Variants in CA10 observed in about 807,000 individuals in gnomAD.
CA10 encodes the protein carbonic anhydrase-related protein 10.
CA10 carries 14 observed loss-of-function variants against 44.2 expected under a neutral mutation model. That is an observed-to-expected ratio of 0.32 (90% CI 0.21 to 0.50). The LOEUF (loss-of-function observed/expected upper bound fraction) is 0.50, where lower values mean the gene tolerates loss of function less well. Among genes scored for constraint, CA10 ranks in the 20% least tolerant of loss-of-function variants. CA10 has a pLI of 0.99. For synonymous variants in CA10, 159 were observed against 141.6 expected, an observed-to-expected ratio of 1.12 and a Z score of -0.87; for missense variants, 350 against 409.7, an observed-to-expected ratio of 0.85 and a Z score of 1.26.
intron 3 of CA10, among the ~76,000 whole-genome samples, chr17:51,837,182 C>G (rs187819822): frequency 6.6e-6 from 1 of 152,102 alleles, no homozygotes; most frequent in African/African-American, 2.4e-5. Context: ...AAGCTCCAAG[C>G]CTTCAGGAAG....
intron 2 of CA10, among the ~76,000 whole-genome samples, chr17:51,976,811 G>C (rs559272897): frequency 6.6e-6 from 1 of 151,984 alleles, no homozygotes; most frequent in Non-Finnish European, 1.5e-5. Flanking sequence ...GAAAAGATTA[G>C]TAAAATTGAT....
chr17:51,874,344 C>T (rs1194975625), intron 3 of CA10, among the ~76,000 whole-genome samples: 1 of 148,892 alleles, frequency 6.7e-6, no homozygotes, highest in African/African-American at 2.5e-5. Context: ...TTATTAATTC[C>T]ATTAAAAATT....
chr17:51,769,123 G>A (rs1905501158), intron 3 of CA10, among the ~76,000 whole-genome samples: 1 of 152,160 alleles, frequency 6.6e-6, no homozygotes, highest in Non-Finnish European at 1.5e-5. Flanking sequence ...TGAGAAAACA[G>A]CATTCGGATG....
chr17:52,045,113 C>T (rs1385741256), intron 2 of CA10, among the ~76,000 whole-genome samples: 2 of 151,634 alleles, frequency 1.3e-5, no homozygotes, highest in African/African-American at 4.8e-5. Flanking sequence ...GGTAAGAATG[C>T]TAGTAAACTT....
intron 1 of CA10, among the ~76,000 whole-genome samples, chr17:52,109,060 A>G (rs1192266285): frequency 6.6e-6 from 1 of 152,212 alleles, no homozygotes; most frequent in Non-Finnish European, 1.5e-5. Context: ...TGGAGGACTC[A>G]ACATAATAAA....
intron 3 of CA10, among the ~76,000 whole-genome samples, chr17:51,787,865 G>T (rs1376825318): frequency 6.6e-6 from 1 of 151,950 alleles, no homozygotes; most frequent in Non-Finnish European, 1.5e-5. Flanking sequence ...TTCTTAGTCT[G>T]CCTAGAAGTT....
chr17:51,771,476 G>C (rs1180327244), intron 3 of CA10, among the ~76,000 whole-genome samples: 2 of 152,144 alleles, frequency 1.3e-5, no homozygotes, highest in Non-Finnish European at 2.9e-5. Flanking sequence ...CCAGAATTAA[G>C]ACAATGGAGT....
At chr17:51,954,910 C>T (rs1029331915) in intron 2 of CA10, among the ~76,000 whole-genome samples, 4 of 152,160 alleles carry the variant, frequency 2.6e-5, no homozygotes, top group Non-Finnish European at 5.9e-5. Flanking sequence ...GAGGAAAGAA[C>T]ATCAGTTCCT....
In CA10 at chr17:51,695,624, A is replaced by T. The variant is rs138847579; in HGVS notation, c.466-41888T>A. ...ATCATCAGCAAAGAGAGATAGTTTGACTCCTTCTTTTCCTATTTGGATGCC... is the reference window on the plus strand; with the variant it reads ...ATCATCAGCAAAGAGAGATAGTTTGTCTCCTTCTTTTCCTATTTGGATGCC... On this transcript the variant is annotated intron_variant, in intron 4 of 8. Transcript: ENST00000451037. 4.9e-3 allele frequency among the ~76,000 whole-genome samples: 750 copies of T among 151,830 alleles called. 9 individuals carry two copies. Among genetic ancestry groups the T allele is most frequent in the African/African-American group, 0.017 (713 of 41,378 alleles).
chr17:51,707,557 C>G (rs1436928006), intron 4 of CA10, among the ~76,000 whole-genome samples: 1 of 152,030 alleles, frequency 6.6e-6, no homozygotes, highest in Admixed American at 6.5e-5. Context: ...CAGAGTCTGC[C>G]ATTATTCATC....
intron 2 of CA10, among the ~76,000 whole-genome samples, chr17:52,008,206 C>T (rs202999): frequency 0.48 from 72,844 of 151,378 alleles, 18,050 homozygotes; most frequent in African/African-American, 0.55. Flanking sequence ...CCTTTGCAAA[C>T]AAAGTTCTAA....
At chr17:52,051,924 T>A (rs1319413353) in intron 2 of CA10, among the ~76,000 whole-genome samples, 1 of 152,000 alleles carries the variant, frequency 6.6e-6, no homozygotes, top group Non-Finnish European at 1.5e-5. Context: ...GTGGTACATA[T>A]ACACCATGGA....
chr17:51,795,279 A>G (rs1906663644), intron 3 of CA10, among the ~76,000 whole-genome samples: 1 of 152,226 alleles, frequency 6.6e-6, no homozygotes, highest in Non-Finnish European at 1.5e-5. Context: ...ACCATAAGAT[A>G]AAACAGTGAG....
At chr17:52,107,787 C>A (rs935742771) in intron 1 of CA10, among the ~76,000 whole-genome samples, 2 of 152,162 alleles carry the variant, frequency 1.3e-5, no homozygotes, top group African/African-American at 2.4e-5. Context: ...ATTACCCAGT[C>A]CCTAGACACA....
At chr17:51,786,233 T>C (rs907086851) in intron 3 of CA10, among the ~76,000 whole-genome samples, 2 of 151,712 alleles carry the variant, frequency 1.3e-5, no homozygotes, top group Non-Finnish European at 2.9e-5. Context: ...TGTGTGTGTG[T>C]GTGTGTGGTC....
At chr17:52,053,623 A>C (rs1429951084) in intron 2 of CA10, among the ~76,000 whole-genome samples, 1 of 152,122 alleles carries the variant, frequency 6.6e-6, no homozygotes, top group African/African-American at 2.4e-5. Flanking sequence ...AATATGGAAG[A>C]TAAGAAAGGA....
At chr17:51,749,091 A>G (rs553746614) in intron 3 of CA10, among the ~76,000 whole-genome samples, 1 of 152,314 alleles carries the variant, frequency 6.6e-6, no homozygotes, top group South Asian at 2.1e-4. Flanking sequence ...CAATGGCATT[A>G]TATGGAAATG....
chr17:52,082,623 A>T (rs184273005), intron 1 of CA10, among the ~76,000 whole-genome samples: 1 of 152,348 alleles, frequency 6.6e-6, no homozygotes, highest in East Asian at 1.9e-4. Context: ...GGACAGAAGT[A>T]TATATGTTGA....
chr17:51,839,157 A>G (rs1440484366), intron 3 of CA10, among the ~76,000 whole-genome samples: 4 of 152,208 alleles, frequency 2.6e-5, no homozygotes, highest in African/African-American at 9.6e-5. Context: ...CTTTGAACAT[A>G]TCCAGTGCTT....
Sources: gnomAD v4.1 joint callset for allele counts (sites outside exome capture counted in the v4.1 genomes callset) on GRCh38, gnomAD v4.1.1 for gene constraint, MANE v1.5 for transcripts, NCBI Gene and HGNC (gene_info 2026-07-23, HGNC 2026-07-21) for gene names.